FRMPD2: variants seen among roughly 807,000 people sequenced by gnomAD.
FRMPD2 encodes FERM and PDZ domain-containing protein 2.
Under a neutral mutation model 140.1 loss-of-function variants are expected in FRMPD2, and 96 were observed. That is an observed-to-expected ratio of 0.69 (90% CI 0.58 to 0.81). The LOEUF (loss-of-function observed/expected upper bound fraction) is 0.81. Ranked by LOEUF, FRMPD2 falls within the 40% of genes least tolerant of loss-of-function variation. The probability of loss-of-function intolerance (pLI) is 0.00; values close to 1 mark genes in which losing one functional copy is unlikely to be tolerated. For missense variants in FRMPD2, 1,240 were observed against 1,447.4 expected (o/e 0.86, Z 2.32); for synonymous variants, 449 against 547.6 (o/e 0.82, Z 2.52).
chr10:48,235,826 C>A (rs1402578002), intron 9 of FRMPD2, among the ~76,000 whole-genome samples: 2 of 152,138 alleles, frequency 1.3e-5, no homozygotes, highest in Non-Finnish European at 2.9e-5. Flanking sequence ...CAGGGTGAGA[C>A]CAGCCACACA....
intron 9 of FRMPD2, among the ~76,000 whole-genome samples, chr10:48,235,676 G>T: frequency 6.6e-6 from 1 of 152,342 alleles, no homozygotes. Context: ...CAATGTGTGC[G>T]CTTCCAGCCC....
At chr10:48,238,611 C>T (rs1190545096) in intron 7 of FRMPD2, among the ~76,000 whole-genome samples, 5 of 152,186 alleles carry the variant, frequency 3.3e-5, no homozygotes, top group Admixed American at 1.3e-4. Flanking sequence ...CCAATCAGGG[C>T]GTCAGCTGTG....
Position 48,236,516 on chromosome 10 carries a change from G to T in FRMPD2, c.959C>A (p.Ala320Asp). The change falls in exon 9 of 29, where the codon GCC (alanine) becomes GAC (aspartate). Residue 320 changes from alanine (A) to aspartate (D), a missense_variant. Physicochemically the swap from Ala to Asp is moderately radical, Grantham distance 126. This residue lies in a region of FRMPD2 where 1,161 missense variants were observed against 1,055.9 expected (regional missense o/e 1.10). Transcript: ENST00000374201. ...RPEFILLAGE[A>D]PMTLHLPGSV... ...TCCCGGCAGATGTAGTGTCATCGGGGCCTCTCCAGCCAACAGGATGAACTC... is the reference window on the plus strand; with the variant it reads ...TCCCGGCAGATGTAGTGTCATCGGGTCCTCTCCAGCCAACAGGATGAACTC... 2 of 1,614,186 alleles carry T rather than the reference G, an allele frequency of 1.2e-6. No individual in the cohort carries two copies. Among genetic ancestry groups the T allele is most frequent in the African/African-American group, 2.7e-5 (2 of 75,044 alleles).
chr10:48,228,081 T>TA (rs1294592460), intron 10 of FRMPD2, among the ~76,000 whole-genome samples: 2 of 152,096 alleles, frequency 1.3e-5, no homozygotes, highest in African/African-American at 2.4e-5. Flanking sequence ...AAAAGAGAGT[T>TA]AAAAAAAGCC....
chr10:48,185,603 C>T lies in FRMPD2; in HGVS notation c.2309G>A (p.Gly770Asp), dbSNP rs1168619952. Residue 770 changes from glycine to aspartate, a missense_variant, in exon 18 of 29, where the codon GGC (glycine) becomes GAC (aspartate). Coordinates refer to ENST00000374201, the MANE Select transcript of FRMPD2 (RefSeq NM_001018071.4). ...NRRKSFIAEP[G>D]REIVRVTLKR... ...CAGTGTCACACGTACAATTTCTCGG[C>T]CCGGTTCAGCTATAAAGCTCTTCCT... is the stretch of plus-strand genomic sequence containing the variant. 2 of 1,614,132 alleles carry T rather than the reference C, an allele frequency of 1.2e-6. No individual in the cohort carries two copies. The highest frequency in any genetic ancestry group is 1.7e-5 in the Admixed American group (1 of 60,018).
At chr10:48,251,832 G>A (rs924096184) in intron 1 of FRMPD2, 141 bp from the exon 2 acceptor site, 4 of 904,236 alleles carry the variant, frequency 4.4e-6, no homozygotes, top group Non-Finnish European at 6.8e-6. Flanking sequence ...CTGGGTCCCT[G>A]GGGTCAGGCA....
chr10:48,198,048 A>G (rs1176617570), intron 15 of FRMPD2, among the ~76,000 whole-genome samples: 1 of 152,246 alleles, frequency 6.6e-6, no homozygotes, highest in African/African-American at 2.4e-5. Context: ...TAGTAATAAC[A>G]ATAGTAAATA....
chr10:48,238,745 G>T (rs1250788168), intron 7 of FRMPD2, among the ~76,000 whole-genome samples: 3 of 152,166 alleles, frequency 2.0e-5, no homozygotes, highest in Non-Finnish European at 2.9e-5. Flanking sequence ...AGCCCATCTA[G>T]GTTTTGATCT....
intron 8 of FRMPD2, among the ~76,000 whole-genome samples, chr10:48,237,334 A>T (rs1206988280): frequency 6.6e-6 from 1 of 152,124 alleles, no homozygotes; most frequent in Non-Finnish European, 1.5e-5. Flanking sequence ...AAGCCAAAGG[A>T]GGTGGACAAA....
At chr10:48,175,562 C>T (rs1285170606) in intron 23 of FRMPD2, among the ~76,000 whole-genome samples, 16 of 151,584 alleles carry the variant, frequency 1.1e-4, no homozygotes, top group African/African-American at 3.9e-4. Flanking sequence ...AGTATGTTTT[C>T]CCATGGAGGC....
Position 48,258,986 on chromosome 10 carries a change from C to T in FRMPD2, c.26-7295G>A, listed in dbSNP as rs567715243. ...AATTAGTTTTAGAAACATGTAAAGT[C>T]TATTTCTGAGCAGACTGTCTTCTTG... On this transcript the variant is annotated intron_variant, in intron 1 of 28. Coordinates refer to ENST00000374201, the MANE Select transcript of FRMPD2 (RefSeq NM_001018071.4). Among the ~76,000 whole-genome samples, 19 of 152,316 alleles carry T rather than the reference C, an allele frequency of 1.2e-4. No homozygotes were observed. The South Asian group carries it at 2.5e-3, about 20-fold the overall frequency.
At chr10:48,172,302 C>A (rs1395049294) in intron 25 of FRMPD2, among the ~76,000 whole-genome samples, 1 of 133,230 alleles carries the variant, frequency 7.5e-6, no homozygotes, top group East Asian at 2.1e-4. Context: ...TGCCCCACCC[C>A]TACCCTATGG....
intron 2 of FRMPD2, 89 bp downstream of exon 2, chr10:48,251,477 A>C (rs959970897): frequency 6.6e-7 from 1 of 1,525,190 alleles, no homozygotes; most frequent in Non-Finnish European, 8.9e-7. Flanking sequence ...AGGTTGATTT[A>C]AAAAAGCAGC....
At position 48,251,253 on chromosome 10, in the gene FRMPD2, T is replaced by G. The variant is rs540967643; in HGVS notation, c.151+313A>C. Among the ~76,000 whole-genome samples the G allele has an allele frequency of 2.0e-5, 3 of 152,318 alleles. No homozygotes were observed. In the South Asian group the frequency reaches 6.2e-4, roughly 32 times the overall value. On this transcript the variant is annotated intron_variant, in intron 2 of 28. Coordinates refer to ENST00000374201, the MANE Select transcript of FRMPD2 (RefSeq NM_001018071.4). ...GACACCCATAGCACTGCAGCCACTC[T>G]CTTCCTAAATCCTCCCAGCTTTGCA...
intron 2 of FRMPD2, among the ~76,000 whole-genome samples, chr10:48,250,003 A>G (rs1380332966): frequency 6.6e-6 from 1 of 152,198 alleles, no homozygotes; most frequent in Non-Finnish European, 1.5e-5. Flanking sequence ...GGCTCTGTAC[A>G]GAACACATGC....
chr10:48,247,902 T>C (rs1211223911), intron 3 of FRMPD2, among the ~76,000 whole-genome samples: 3 of 152,140 alleles, frequency 2.0e-5, no homozygotes, highest in Admixed American at 6.5e-5. Context: ...TAAGAAGGTA[T>C]GTGGGCCTGG....
chr10:48,254,285 TAC>T (rs1449454857), intron 1 of FRMPD2, among the ~76,000 whole-genome samples: 1 of 152,218 alleles, frequency 6.6e-6, no homozygotes, highest in East Asian at 1.9e-4. Flanking sequence ...GCCTCAGGAC[TAC>T]AGTGTGGGTT....
chr10:48,193,208 C>T (rs1283840442), intron 15 of FRMPD2, among the ~76,000 whole-genome samples: 2 of 152,164 alleles, frequency 1.3e-5, no homozygotes, highest in Admixed American at 6.5e-5. Context: ...TGTCGGGCTC[C>T]GGCCGAGCCT....
At chr10:48,204,121 C>A (rs940509694) in intron 14 of FRMPD2, among the ~76,000 whole-genome samples, 4 of 152,172 alleles carry the variant, frequency 2.6e-5, no homozygotes, top group African/African-American at 9.7e-5. Flanking sequence ...TAATACCCAG[C>A]CCCCGAAGGA....
Sources: allele counts gnomAD v4.1 joint callset (sites outside exome capture counted in the v4.1 genomes callset), GRCh38; gene constraint gnomAD v4.1.1; regional missense constraint gnomAD v4.1.1; transcripts MANE v1.5; gene names NCBI Gene and HGNC (gene_info 2026-07-23, HGNC 2026-07-21).